The following TLX2 variants were observed in gnomAD, a reference collection of about 807,000 sequenced individuals.
The protein encoded by TLX2 is T-cell leukemia homeobox protein 2.
TLX2 carries 15 observed loss-of-function variants against 21.7 expected under a neutral mutation model. The ratio of observed to expected loss-of-function variants is 0.69; its 90% CI spans 0.46 to 1.07. The LOEUF (loss-of-function observed/expected upper bound fraction) is 1.07, where lower values mean the gene tolerates loss of function less well. TLX2 is among the 50% of genes least tolerant of loss of function. TLX2 has a pLI of 0.00. For missense variants in TLX2, 384 were observed against 409.1 expected (o/e 0.94, Z 0.53); for synonymous variants, 213 against 193.1 (o/e 1.10, Z -0.85).
rs1227817862 is a variant in TLX2 at position 74,514,848 on chromosome 2, C to T, written c.42C>T (p.His14=). The change falls in exon 1 of 3, where the codon CAC becomes CAT. Residue 14 remains histidine (H), a synonymous_variant. Coordinates refer to ENST00000233638, the MANE Select transcript of TLX2 (RefSeq NM_016170.5). This position sits in a 1 kb window ranked among gnomAD's most constrained non-coding sequence, Gnocchi z 5.0. ...GMLGPHNLPH[H]EPISFGIDQI... ...TGGGTCCACACAACCTCCCACACCA[C>T]GAGCCAATCAGCTTCGGCATCGATC... is the stretch of plus-strand genomic sequence containing the variant. The T allele has an allele frequency of 1.2e-5, 19 of 1,612,802 alleles. No homozygotes were observed. Among genetic ancestry groups the T allele is most frequent in the Non-Finnish European group, 1.6e-5 (19 of 1,179,710 alleles).
rs774848022 is a variant in TLX2 at position 74,514,979 on chromosome 2, C to T, written c.173C>T (p.Ser58Leu). The T allele has an allele frequency of 9.0e-6, 14 of 1,559,730 alleles. No homozygotes were observed. The highest frequency in any genetic ancestry group is 1.7e-4 in the Middle Eastern group (1 of 5,944). ...GAFSGGYHGA[S>L]GYGPAGSLAP... is the part of the protein sequence containing the mutation. ...TTCTCGGGTGGATACCACGGAGCCT[C>T]GGGCTACGGTCCCGCCGGCTCACTT... Residue 58 changes from serine to leucine, a missense_variant, in exon 1 of 3, where the codon TCG (serine) becomes TTG (leucine). By Grantham distance (145) the Ser-to-Leu change is moderately radical. Coordinates refer to ENST00000233638, the MANE Select transcript of TLX2 (RefSeq NM_016170.5). The surrounding 1 kb of genome is among the most constrained non-coding windows in gnomAD (Gnocchi z 5.0).
In TLX2 at chr2:74,514,532, C is replaced by T; in HGVS notation, c.-275C>T. ...GCCGGCAGCCCAGCGTCTATTTGCG[C>T]TTAAGAGCCAGCAAGGAAGCTCCAG... On this transcript the variant is annotated 5_prime_UTR_variant, in exon 1 of 3. Coordinates refer to ENST00000233638, the MANE Select transcript of TLX2 (RefSeq NM_016170.5). The surrounding 1 kb of genome is among the most constrained non-coding windows in gnomAD (Gnocchi z 5.0). 3.0e-6 allele frequency: 4 copies of T among 1,349,578 alleles called. No homozygotes were observed. The South Asian group carries it at 6.2e-5, about 21-fold the overall frequency. The allele number at this position is 1,349,578 out of a possible 1,614,324, so 83.6% of individuals were successfully genotyped here.
rs1674864990 is a variant in TLX2, at chr2:74,515,693, C to T, written c.461C>T (p.Pro154Leu). ...GGCCACCCCTACCAAAACCGGACCCCTCCGAAGCGGAAGAAGCCGCGCACG... is the reference window on the plus strand; with the variant it reads ...GGCCACCCCTACCAAAACCGGACCCTTCCGAAGCGGAAGAAGCCGCGCACG... ...RIGHPYQNRT[P>L]PKRKKPRTSF... The change falls in exon 2 of 3, where the codon CCT becomes CTT. Residue 154 changes from proline to leucine, a missense_variant. Pro to Leu is a moderately conservative substitution (Grantham distance 98, BLOSUM62 -3). Transcript: ENST00000233638. The surrounding 1 kb of genome is among the most constrained non-coding windows in gnomAD (Gnocchi z 6.6). 1.2e-6 allele frequency: 2 copies of T among 1,613,684 alleles called. No individual in the cohort carries two copies. Among genetic ancestry groups the T allele is most frequent in the Admixed American group, 1.7e-5 (1 of 60,014 alleles).
In TLX2 at chr2:74,514,538, A is replaced by G; in HGVS notation, c.-269A>G. 7.4e-7 allele frequency: 1 copy of G among 1,358,604 alleles called. No homozygotes were observed. Among genetic ancestry groups the G allele is most frequent in the Non-Finnish European group, 9.5e-7 (1 of 1,057,612 alleles). The allele number at this position is 1,358,604 out of a possible 1,614,324, so 84.2% of individuals were successfully genotyped here. A position where few individuals can be genotyped will look rare whatever the true frequency, so the allele number is the denominator to read the frequency against. ...AGCCCAGCGTCTATTTGCGCTTAAG[A>G]GCCAGCAAGGAAGCTCCAGGGGCCC... On this transcript the variant is annotated 5_prime_UTR_variant, in exon 1 of 3. Coordinates refer to ENST00000233638, the MANE Select transcript of TLX2 (RefSeq NM_016170.5). This position sits in a 1 kb window ranked among gnomAD's most constrained non-coding sequence, Gnocchi z 5.0.
In TLX2 at chr2:74,516,498, A is replaced by C; in HGVS notation, c.*309A>C. 7.9e-7 allele frequency: 1 copy of C among 1,258,440 alleles called. No homozygotes were observed. 78.0% of individuals were successfully genotyped at this position (1,258,440 alleles called of 1,614,324 possible). A position where few individuals can be genotyped will look rare whatever the true frequency, so the allele number is the denominator to read the frequency against. On this transcript the variant is annotated 3_prime_UTR_variant, in exon 3 of 3. Coordinates refer to ENST00000233638, the MANE Select transcript of TLX2 (RefSeq NM_016170.5). ...GTGCGGGGAGGGGGCCGGGCTGGCC[A>C]ATGGGAGCTGCTTTCCTGAGGGACT... is the stretch of plus-strand genomic sequence containing the variant.
rs766841908 is a variant in TLX2 at position 74,514,780 on chromosome 2, TC to T, written c.-25del. On this transcript the variant is annotated 5_prime_UTR_variant, in exon 1 of 3. Coordinates refer to ENST00000233638, the MANE Select transcript of TLX2 (RefSeq NM_016170.5). The surrounding 1 kb of genome is among the most constrained non-coding windows in gnomAD (Gnocchi z 5.0). ...AGGCATCCTCCCCAACCACCGAACC[TC>T]CGGCGGTTCTCCTCGGCCCAGACCG... The T allele has an allele frequency of 2.2e-5, 36 of 1,611,350 alleles. No homozygotes were observed. The Admixed American group carries it at 6.0e-4, about 27-fold the overall frequency.
In TLX2 at chr2:74,516,630, C is replaced by G; in HGVS notation, c.*441C>G. On this transcript the variant is annotated 3_prime_UTR_variant, in exon 3 of 3. Transcript: ENST00000233638. ...CCAAAGGTGTGAAGGAAAGAAGACA[C>G]CGACCACGGCGAAGCAATAGAGGGG... The G allele has an allele frequency of 1.3e-6, 1 of 743,208 alleles. No individual in the cohort carries two copies. The highest frequency in any genetic ancestry group is 1.7e-6 in the Non-Finnish European group (1 of 578,814). 46.0% of individuals were successfully genotyped at this position (743,208 alleles called of 1,614,324 possible).
rs1468735800 is a variant in TLX2, at chr2:74,515,150, G to T, written c.344G>T (p.Gly115Val). The T allele has an allele frequency of 2.6e-6, 4 of 1,541,312 alleles. No individual in the cohort carries two copies. In the African/African-American group the frequency reaches 5.5e-5, roughly 21 times the overall value. Residue 115 changes from glycine to valine, a missense_variant, in exon 1 of 3, where the codon GGA (glycine) becomes GTA (valine). By Grantham distance (109) the Gly-to-Val change is moderately radical (BLOSUM62 -3). Transcript: ENST00000233638. This position sits in a 1 kb window ranked among gnomAD's most constrained non-coding sequence, Gnocchi z 6.6. ...TTGGGCGGCGCCGGAGGCCTAGCGG[G>T]ACTCACCTTCCCCTGGATGGACAGC... ...SGLGGAGGLAGLTFPWMDSGR... is the reference protein window; with the variant it reads ...SGLGGAGGLAVLTFPWMDSGR...
chr2:74,514,929 C>T lies in TLX2; in HGVS notation c.123C>T (p.Gly41=). 1 of 1,607,130 alleles carries T rather than the reference C, an allele frequency of 6.2e-7. No individual in the cohort carries two copies. Among genetic ancestry groups the T allele is most frequent in the South Asian group, 1.1e-5 (1 of 90,406 alleles). The change falls in exon 1 of 3, where the codon GGC becomes GGT. Residue 41 remains glycine, a synonymous_variant. Transcript: ENST00000233638. This position sits in a 1 kb window ranked among gnomAD's most constrained non-coding sequence, Gnocchi z 5.0. ...GCGGTCTAGGCCTGGGTCGCGGGGG[C>T]CAGGGTCATGGGGAGAATGGGGCGT... ...PGGGLGLGRG[G]QGHGENGAFS...
Position 74,515,614 on chromosome 2 carries a change from T to G in TLX2, c.401-19T>G. ...GGCCACCCTGCAAATCCTGCCCTGGTCTTTCTTCCTCCCGGTAGCTGCGCT... is the reference window on the plus strand; with the variant it reads ...GGCCACCCTGCAAATCCTGCCCTGGGCTTTCTTCCTCCCGGTAGCTGCGCT... On this transcript the variant is annotated intron_variant, in intron 1 of 2. Coordinates refer to ENST00000233638, the MANE Select transcript of TLX2 (RefSeq NM_016170.5). The surrounding 1 kb of genome is among the most constrained non-coding windows in gnomAD (Gnocchi z 6.6). 1 of 1,598,916 alleles carries G rather than the reference T, an allele frequency of 6.3e-7. No homozygotes were observed. Among genetic ancestry groups the G allele is most frequent in the Non-Finnish European group, 8.5e-7 (1 of 1,170,048 alleles).
chr2:74,515,984 C>CGAG lies in TLX2; in HGVS notation c.651_652insAGG (p.Ala217_Glu218insArg). On this transcript the variant is annotated inframe_insertion, in exon 3 of 3. Transcript: ENST00000233638. This position sits in a 1 kb window ranked among gnomAD's most constrained non-coding sequence, Gnocchi z 6.6. ...TCTCCCTCCCTTAGGCGCCAGACGG[C>CGAG]GGAGGAGCGCGAGGCCGAGCGGCAC... 1 of 1,466,362 alleles carries CGAG rather than the reference C, an allele frequency of 6.8e-7. No homozygotes were observed. The allele number at this position is 1,466,362 out of a possible 1,614,324, so 90.8% of individuals were successfully genotyped here.
chr2:74,515,515 T>C lies in TLX2; in HGVS notation c.401-118T>C. The C allele has an allele frequency of 8.6e-7, 1 of 1,164,350 alleles. No homozygotes were observed. Among genetic ancestry groups the C allele is most frequent in the Non-Finnish European group, 1.2e-6 (1 of 819,110 alleles). 72.1% of individuals were successfully genotyped at this position (1,164,350 alleles called of 1,614,324 possible). On this transcript the variant is annotated intron_variant, in intron 1 of 2. Transcript: ENST00000233638. The surrounding 1 kb of genome is among the most constrained non-coding windows in gnomAD (Gnocchi z 6.6). The stretch of plus-strand genomic sequence containing the variant: ...TTGGCTATAGGGCTCGGCTGATGCT[T>C]AGGGCCCGGGTAAGGACAGGGCGCG...
chr2:74,516,706 C>T lies in TLX2; in HGVS notation c.*517C>T. 1 of 213,916 alleles carries T rather than the reference C, an allele frequency of 4.7e-6. No individual in the cohort carries two copies. 13.3% of individuals were successfully genotyped at this position (213,916 alleles called of 1,614,324 possible). On this transcript the variant is annotated 3_prime_UTR_variant, in exon 3 of 3. Transcript: ENST00000233638. ...ATTGTGACCGAAACCAGAGGGTTGTCCACCCCGGGCATCTCATCCCTCAAC... is the reference window on the plus strand; with the variant it reads ...ATTGTGACCGAAACCAGAGGGTTGTTCACCCCGGGCATCTCATCCCTCAAC...
Position 74,515,943 on chromosome 2 carries a change from C to T in TLX2, c.639-30C>T. 2 of 1,480,442 alleles carry T rather than the reference C, an allele frequency of 1.4e-6. No homozygotes were observed. The highest frequency in any genetic ancestry group is 1.4e-5 in the South Asian group (1 of 71,918). The allele number at this position is 1,480,442 out of a possible 1,614,324, so 91.7% of individuals were successfully genotyped here. On this transcript the variant is annotated intron_variant, in intron 2 of 2. Coordinates refer to ENST00000233638, the MANE Select transcript of TLX2 (RefSeq NM_016170.5). This position sits in a 1 kb window ranked among gnomAD's most constrained non-coding sequence, Gnocchi z 6.6. ...CTGGTGAGAAGCGACGCGGCGGGCG[C>T]CCCGCTGACCCCGCGTCTCCCTCCC...
Position 74,516,631 on chromosome 2 carries a change from C to A in TLX2, c.*442C>A. 2.8e-6 allele frequency: 2 copies of A among 725,646 alleles called. No homozygotes were observed. Among genetic ancestry groups the A allele is most frequent in the Non-Finnish European group, 3.5e-6 (2 of 564,200 alleles). The allele number at this position is 725,646 out of a possible 1,614,324, so 45.0% of individuals were successfully genotyped here. A position where few individuals can be genotyped will look rare whatever the true frequency, so the allele number is the denominator to read the frequency against. ...CAAAGGTGTGAAGGAAAGAAGACAC[C>A]GACCACGGCGAAGCAATAGAGGGGG... On this transcript the variant is annotated 3_prime_UTR_variant, in exon 3 of 3. Coordinates refer to ENST00000233638, the MANE Select transcript of TLX2 (RefSeq NM_016170.5).
Position 74,516,148 on chromosome 2 carries a change from AAC to A in TLX2, c.816_817del (p.Asn272LysfsTer94). ...LQNLQPWAEDNKVASVSGLAS... is the reference protein window; with the variant it reads ...LQNLQPWAEDXKVASVSGLAS... ...GAACCTGCAGCCCTGGGCCGAGGAC[AAC>A]AAAGTGGCTTCAGTGTCCGGGCTCG... On this transcript the variant is annotated frameshift_variant, in exon 3 of 3. Coordinates refer to ENST00000233638, the MANE Select transcript of TLX2 (RefSeq NM_016170.5). LOFTEE classifies it high-confidence loss of function. 5 of 1,611,384 alleles carry A rather than the reference AAC, an allele frequency of 3.1e-6. No homozygotes were observed. The highest frequency in any genetic ancestry group is 4.2e-6 in the Non-Finnish European group (5 of 1,179,258).
Position 74,514,926 on chromosome 2 carries a change from G to C in TLX2, c.120G>C (p.Gly40=), listed in dbSNP as rs757797494. 6.2e-7 allele frequency: 1 copy of C among 1,607,940 alleles called. No individual in the cohort carries two copies. The highest frequency in any genetic ancestry group is 8.5e-7 in the Non-Finnish European group (1 of 1,177,724). Residue 40 remains glycine (G), a synonymous_variant, in exon 1 of 3, where the codon GGG becomes GGC. Transcript: ENST00000233638. The surrounding 1 kb of genome is among the most constrained non-coding windows in gnomAD (Gnocchi z 5.0). ...TPGGGLGLGR[G]GQGHGENGAF... is the part of the protein sequence containing the mutation. ...GGGGCGGTCTAGGCCTGGGTCGCGG[G>C]GGCCAGGGTCATGGGGAGAATGGGG...
Position 74,515,536 on chromosome 2 carries a change from G to A in TLX2, c.401-97G>A. On this transcript the variant is annotated intron_variant, in intron 1 of 2. Transcript: ENST00000233638. The surrounding 1 kb of genome is among the most constrained non-coding windows in gnomAD (Gnocchi z 6.6). The stretch of plus-strand genomic sequence containing the variant: ...TGCTTAGGGCCCGGGTAAGGACAGG[G>A]CGCGGGAGTTCTGCGGCCTGGACAG... The A allele has an allele frequency of 1.6e-6, 2 of 1,289,408 alleles. No individual in the cohort carries two copies. Among genetic ancestry groups the A allele is most frequent in the Non-Finnish European group, 2.2e-6 (2 of 921,532 alleles). The allele number at this position is 1,289,408 out of a possible 1,614,324, so 79.9% of individuals were successfully genotyped here.
rs909811946 is a variant in TLX2, at chr2:74,514,726, C to G, written c.-81C>G. On this transcript the variant is annotated 5_prime_UTR_variant, in exon 1 of 3. Transcript: ENST00000233638. The surrounding 1 kb of genome is among the most constrained non-coding windows in gnomAD (Gnocchi z 5.0). ...GCCCCTGAGGCCACTCTCCGGAGCG[C>G]GCCGCCGCTGGGCTTCTGGCGCTGC... 10 of 1,586,434 alleles carry G rather than the reference C, an allele frequency of 6.3e-6. No homozygotes were observed. The highest frequency in any genetic ancestry group is 8.6e-6 in the Non-Finnish European group (10 of 1,167,648).
Sources: allele counts gnomAD v4.1 joint callset, GRCh38; gene constraint gnomAD v4.1.1; non-coding constraint Gnocchi (gnomAD v3.1); transcripts MANE v1.5; gene names NCBI Gene and HGNC (gene_info 2026-07-23, HGNC 2026-07-21).